RIPOR2: variants seen among roughly 807,000 people sequenced by gnomAD.
RIPOR2 encodes RHO family interacting cell polarization regulator 2, also known as rho family-interacting cell polarization regulator 2.
A neutral mutation model predicts 114.5 loss-of-function variants in RIPOR2; 39 were observed. The observed-to-expected ratio is 0.34, with a 90% CI of 0.26 to 0.44. The LOEUF (loss-of-function observed/expected upper bound fraction) is 0.44, where lower values mean the gene tolerates loss of function less well. Among genes scored for constraint, RIPOR2 ranks in the 20% least tolerant of loss-of-function variants. The pLI is 1.00. For missense variants in RIPOR2, 1,007 were observed against 1,255.1 expected (o/e 0.80, Z 2.99); for synonymous variants, 445 against 484.4 (o/e 0.92, Z 1.07).
intron 1 of RIPOR2, among the ~76,000 whole-genome samples, chr6:24,915,707 A>C (rs748711215): frequency 6.6e-6 from 1 of 152,176 alleles, no homozygotes; most frequent in African/African-American, 2.4e-5. Flanking sequence ...GAAGTGCATA[A>C]GAATCACCCT....
chr6:24,826,452 GC>G (rs1760193317), intron 18 of RIPOR2, among the ~76,000 whole-genome samples: 1 of 151,336 alleles, frequency 6.6e-6, no homozygotes, highest in Admixed American at 6.6e-5. Context: ...CATGAATAAA[GC>G]AACATTCTCT....
At chr6:24,943,639 G>T (rs1772257596) in intron 1 of RIPOR2, among the ~76,000 whole-genome samples, 1 of 151,920 alleles carries the variant, frequency 6.6e-6, no homozygotes, top group Non-Finnish European at 1.5e-5. Context: ...AATTTCAATA[G>T]AACAATGAGT....
At chr6:24,921,047 C>A (rs1770441318) in intron 1 of RIPOR2, among the ~76,000 whole-genome samples, 1 of 152,204 alleles carries the variant, frequency 6.6e-6, no homozygotes, top group Non-Finnish European at 1.5e-5. Flanking sequence ...GATTGCATTA[C>A]TTTGCTCAAC....
At chr6:24,821,419 G>A (rs577386082) in intron 19 of RIPOR2, among the ~76,000 whole-genome samples, 1 of 152,016 alleles carries the variant, frequency 6.6e-6, no homozygotes, top group Non-Finnish European at 1.5e-5. Flanking sequence ...CCCGACCTCA[G>A]GTGATGCGCC....
At chr6:25,008,621 C>T (rs192604390) in intron 1 of RIPOR2, among the ~76,000 whole-genome samples, 96 of 152,304 alleles carry the variant, frequency 6.3e-4, no homozygotes, top group African/African-American at 2.1e-3. Flanking sequence ...TTTTAAGCCA[C>T]TATATTTTGG....
intron 1 of RIPOR2, chr6:24,910,976 C>T (rs1769511346): frequency 2.0e-6 from 2 of 985,046 alleles, no homozygotes; most frequent in South Asian, 9.4e-5. Context: ...GGGAGGAAGT[C>T]GGGTGGACGC....
intron 1 of RIPOR2, among the ~76,000 whole-genome samples, chr6:24,930,158 C>T (rs1358064863): frequency 6.6e-6 from 1 of 152,136 alleles, no homozygotes; most frequent in Non-Finnish European, 1.5e-5. Context: ...GAAGTGGCTT[C>T]TATCAAAAAG....
In RIPOR2 at chr6:24,904,658, C is replaced by T. The variant is rs1483904533; in HGVS notation, c.62-28841G>A. 2.0e-5 allele frequency among the ~76,000 whole-genome samples: 3 copies of T among 152,256 alleles called. No homozygotes were observed. In the East Asian group the frequency reaches 5.8e-4, roughly 29 times the overall value. ...ACTTCTGCTTCTTTTATTGTCACTG[C>T]TGGCAGCCACCTTCATGGAATATCT... On this transcript the variant is annotated intron_variant, in intron 1 of 21. Transcript: ENST00000643898.
chr6:24,929,182 ATAAAC>A (rs1437642048), intron 1 of RIPOR2: 1 of 151,290 alleles, frequency 6.6e-6, no homozygotes, highest in African/African-American at 2.4e-5. Context: ...TCTGAAAAGG[ATAAAC>A]TAAATTGTTC....
At chr6:24,870,472 A>C (rs1294822308) in intron 5 of RIPOR2, among the ~76,000 whole-genome samples, 1 of 152,228 alleles carries the variant, frequency 6.6e-6, no homozygotes, top group Non-Finnish European at 1.5e-5. Flanking sequence ...ACTGTCTCTA[A>C]GAGGGTCTCC....
intron 16 of RIPOR2, among the ~76,000 whole-genome samples, chr6:24,830,878 G>A (rs1760622421): frequency 6.6e-6 from 1 of 151,962 alleles, no homozygotes. Context: ...ACCACACCTG[G>A]CTAATTTTTG....
intron 1 of RIPOR2, among the ~76,000 whole-genome samples, chr6:24,910,180 C>G (rs1381575766): frequency 6.6e-6 from 1 of 152,164 alleles, no homozygotes; most frequent in Non-Finnish European, 1.5e-5. Context: ...TCCCCTCCCC[C>G]CATCTTTCCA....
intron 14 of RIPOR2, among the ~76,000 whole-genome samples, chr6:24,837,260 C>T (rs1454387938): frequency 6.6e-6 from 1 of 152,046 alleles, no homozygotes; most frequent in Non-Finnish European, 1.5e-5. Context: ...GTAACTAGGA[C>T]TACAGGCGTA....
intron 1 of RIPOR2, among the ~76,000 whole-genome samples, chr6:25,013,163 T>G (rs56838896): frequency 0.042 from 6,414 of 152,268 alleles, 450 homozygotes; most frequent in African/African-American, 0.14. Context: ...CTGTTTTGCT[T>G]TTTTCTTTTC....
chr6:24,950,643 G>A (rs1223720294), intron 1 of RIPOR2, among the ~76,000 whole-genome samples: 1 of 152,172 alleles, frequency 6.6e-6, no homozygotes, highest in Non-Finnish European at 1.5e-5. Context: ...CAGGGTCACC[G>A]GAGCAAGCCA....
rs377567541 is a variant in RIPOR2, at chr6:24,825,540, A to G, written c.2666-112T>C. On this transcript the variant is annotated intron_variant, in intron 18 of 21. Coordinates refer to ENST00000643898, the MANE Select transcript of RIPOR2 (RefSeq NM_001286445.3). ...AAGAAAGTATAGTATAGTAACTCCA[A>G]TACATATGAAAAATTAGCATCTGAT... 468 of 719,690 alleles carry G rather than the reference A, an allele frequency of 6.5e-4. 9 individuals are homozygous for G. The highest frequency in any genetic ancestry group is 6.1e-3 in the South Asian group (332 of 54,278). 44.6% of individuals were successfully genotyped at this position (719,690 alleles called of 1,614,324 possible).
chr6:25,039,996 G>A (rs1248817301), intron 1 of RIPOR2, among the ~76,000 whole-genome samples: 1 of 152,154 alleles, frequency 6.6e-6, no homozygotes, highest in Non-Finnish European at 1.5e-5. Context: ...TTGGATACAT[G>A]TTCCTAAGCC....
intron 8 of RIPOR2, among the ~76,000 whole-genome samples, chr6:24,855,414 TTAC>T (rs1763370464): frequency 6.6e-6 from 1 of 152,116 alleles, no homozygotes; most frequent in Non-Finnish European, 1.5e-5. Flanking sequence ...AAAAAAGAAG[TTAC>T]TACTTTCAAA....
At chr6:24,940,918 G>A (rs1343605877), upstream of RIPOR2, among the ~76,000 whole-genome samples, 3 of 152,116 alleles carry the variant, frequency 2.0e-5, no homozygotes, top group Non-Finnish European at 4.4e-5. Flanking sequence ...CCTCCCAAAG[G>A]GCTGGGATTA....
Sources: gnomAD v4.1 joint callset for allele counts (sites outside exome capture counted in the v4.1 genomes callset) on GRCh38, gnomAD v4.1.1 for gene constraint, MANE v1.5 for transcripts, NCBI Gene and HGNC (gene_info 2026-07-23, HGNC 2026-07-21) for gene names.